PLA2G4E: variants seen among roughly 807,000 people sequenced by gnomAD.
PLA2G4E encodes cytosolic phospholipase A2 epsilon.
In PLA2G4E, 84 loss-of-function variants were observed where a neutral mutation model predicts 109.1. That is an observed-to-expected ratio of 0.77 (90% CI 0.65 to 0.92). The LOEUF is 0.92. Ranked by LOEUF, PLA2G4E falls within the 40% of genes least tolerant of loss-of-function variation. The pLI is 0.00. For missense variants in PLA2G4E, 1,057 were observed against 1,076.6 expected, an observed-to-expected ratio of 0.98 and a Z score of 0.25; for synonymous variants, 469 against 436.1, an observed-to-expected ratio of 1.08 and a Z score of -0.94.
At chr15:42,032,927 A>G (rs1889139415) in intron 1 of PLA2G4E, among the ~76,000 whole-genome samples, 1 of 152,168 alleles carries the variant, frequency 6.6e-6, no homozygotes, top group East Asian at 1.9e-4. Context: ...GATCCAGGGC[A>G]GGGGACTCCC....
At chr15:42,005,966 T>C in intron 4 of PLA2G4E, 24 bp downstream of exon 4, 2 of 1,611,784 alleles carry the variant, frequency 1.2e-6, no homozygotes, top group Non-Finnish European at 1.7e-6. Flanking sequence ...AGCCGGAGTC[T>C]GAGGGCCTGT....
chr15:41,987,493 A>T, intron 16 of PLA2G4E, 118 bp from the exon 17 acceptor site: 1 of 905,758 alleles, frequency 1.1e-6, no homozygotes. Context: ...AGCAGCTCAT[A>T]CCTTCCTTGC....
At chr15:42,015,279 T>C (rs754099638) in intron 1 of PLA2G4E, among the ~76,000 whole-genome samples, 10 of 152,158 alleles carry the variant, frequency 6.6e-5, no homozygotes, top group Non-Finnish European at 8.8e-5. Flanking sequence ...CGCACCAGCT[T>C]CTCTGGACCC....
At chr15:42,019,973 T>C (rs1018180065) in intron 1 of PLA2G4E, among the ~76,000 whole-genome samples, 1 of 152,192 alleles carries the variant, frequency 6.6e-6, no homozygotes, top group African/African-American at 2.4e-5. Context: ...GCCCAAGCTC[T>C]TGGAGGCTCA....
At chr15:42,047,638 G>A (rs1287156859) in intron 1 of PLA2G4E, among the ~76,000 whole-genome samples, 5 of 152,090 alleles carry the variant, frequency 3.3e-5, no homozygotes, top group Non-Finnish European at 5.9e-5. Flanking sequence ...GTAAGTAATC[G>A]AAGATTCCAC....
Position 42,003,580 on chromosome 15 carries a change from C to T in PLA2G4E, c.567-884G>A, listed in dbSNP as rs185290668. Reference sequence around the variant, plus strand: ...AATCAAGAATTGGAGGGGAGAGCTTCGATTTTCTTCAATGTTAAGTAAATA... The same window carrying T: ...AATCAAGAATTGGAGGGGAGAGCTTTGATTTTCTTCAATGTTAAGTAAATA... On this transcript the variant is annotated intron_variant, in intron 5 of 19. Transcript: ENST00000399518. Among the ~76,000 whole-genome samples the T allele has an allele frequency of 5.7e-4, 87 of 152,330 alleles. No individual in the cohort carries two copies. The East Asian group carries it at 0.016, about 27-fold the overall frequency.
intron 1 of PLA2G4E, among the ~76,000 whole-genome samples, chr15:42,015,590 G>A (rs2141059361): frequency 6.6e-6 from 1 of 152,314 alleles, no homozygotes; most frequent in African/African-American, 2.4e-5. Flanking sequence ...TGTGTGCCAG[G>A]CCCTATGCTA....
chr15:41,995,852 C>A (rs978100203), intron 11 of PLA2G4E, among the ~76,000 whole-genome samples: 1 of 152,152 alleles, frequency 6.6e-6, no homozygotes, highest in African/African-American at 2.4e-5. Flanking sequence ...GTTCAAGAAC[C>A]CTACTAATGT....
intron 2 of PLA2G4E, among the ~76,000 whole-genome samples, chr15:42,008,105 G>A (rs7175837): frequency 0.2 from 31,137 of 152,146 alleles, 3,638 homozygotes; most frequent in East Asian, 0.36. Context: ...GATGGCCTCC[G>A]GCTCTTATTA....
intron 1 of PLA2G4E, among the ~76,000 whole-genome samples, chr15:42,019,666 G>A (rs1382496227): frequency 6.6e-6 from 1 of 152,214 alleles, no homozygotes; most frequent in Non-Finnish European, 1.5e-5. Context: ...CTCCTTTAAG[G>A]AGACCATTGG....
intron 16 of PLA2G4E, 109 bp downstream of exon 16, chr15:41,987,940 C>G: frequency 1.8e-6 from 1 of 563,060 alleles, no homozygotes; most frequent in Non-Finnish European, 3.3e-6. Context: ...GGCCGCCCCC[C>G]ATCACCCAGC....
At chr15:41,984,598 ACTC>A in exon 19 of PLA2G4E, 1 of 1,608,868 alleles carries the variant, frequency 6.2e-7, no homozygotes, top group East Asian at 2.2e-5. Context: ...ACAGTGCAGT[ACTC>A]ACAGGTTTGT....
chr15:41,999,820 C>T, intron 9 of PLA2G4E, 97 bp downstream of exon 9: 1 of 1,340,322 alleles, frequency 7.5e-7, no homozygotes, highest in Non-Finnish European at 1.0e-6. Flanking sequence ...TCACGAGTCA[C>T]ATTCTCTCTT....
At chr15:42,047,404 C>T (rs566541781) in intron 1 of PLA2G4E, among the ~76,000 whole-genome samples, 24 of 152,272 alleles carry the variant, frequency 1.6e-4, no homozygotes, top group African/African-American at 5.5e-4. Flanking sequence ...CAAGAGAGAG[C>T]AACAGGGTGC....
At chr15:42,011,702 C>T (rs772665070) in intron 2 of PLA2G4E, among the ~76,000 whole-genome samples, 2 of 151,856 alleles carry the variant, frequency 1.3e-5, no homozygotes, top group Non-Finnish European at 2.9e-5. Context: ...TGCACTCCAG[C>T]CTGGGCAACA....
At chr15:42,023,398 C>T (rs1045825298) in intron 1 of PLA2G4E, among the ~76,000 whole-genome samples, 7 of 150,726 alleles carry the variant, frequency 4.6e-5, no homozygotes, top group East Asian at 3.9e-4. Context: ...TATATTTGGA[C>T]GTAGTCTCTA....
intron 2 of PLA2G4E, among the ~76,000 whole-genome samples, chr15:42,011,165 C>T (rs1021091416): frequency 6.6e-6 from 1 of 152,254 alleles, no homozygotes; most frequent in Non-Finnish European, 1.5e-5. Flanking sequence ...GGGGGGTTTC[C>T]AAAGAGGGCC....
chr15:42,023,738 C>A lies in PLA2G4E; in HGVS notation c.184-9981G>T, dbSNP rs147782344. ...AACACCAGGGCATTCCTCAAGGCCT[C>A]CTATTTGGCCTCTTCTCACTGAAGA... On this transcript the variant is annotated intron_variant, in intron 1 of 19. Transcript: ENST00000399518. Among the ~76,000 whole-genome samples the A allele has an allele frequency of 6.6e-5, 10 of 152,254 alleles. No individual in the cohort carries two copies. The South Asian group carries it at 1.0e-3, about 16-fold the overall frequency.
chr15:41,998,771 T>C (rs1249890048), intron 10 of PLA2G4E: 3 of 152,242 alleles, frequency 2.0e-5, no homozygotes, highest in East Asian at 3.8e-4. Context: ...TTCAGGACTT[T>C]GGTCGGGCGC....
Sources: gnomAD v4.1 joint callset for allele counts (sites outside exome capture counted in the v4.1 genomes callset) on GRCh38, gnomAD v4.1.1 for gene constraint, MANE v1.5 for transcripts, NCBI Gene and HGNC (gene_info 2026-07-23, HGNC 2026-07-21) for gene names.